The following NR3C2 variants were observed in gnomAD, a reference collection of about 807,000 sequenced individuals.
NR3C2 encodes mineralocorticoid receptor.
In NR3C2, 15 loss-of-function variants were observed where a neutral mutation model predicts 86.4. That is an observed-to-expected ratio of 0.17 (90% CI 0.12 to 0.27). NR3C2 has a LOEUF of 0.27. Among genes scored for constraint, NR3C2 ranks in the 10% least tolerant of loss-of-function variants. The pLI, the probability that NR3C2 is intolerant of heterozygous loss-of-function variation, is 1.00. For missense variants in NR3C2, 960 were observed against 1,195.6 expected (o/e 0.80, Z 2.91); for synonymous variants, 458 against 450.5 (o/e 1.02, Z -0.21).
chr4:148,295,683 T>C (rs989715290), intron 2 of NR3C2, among the ~76,000 whole-genome samples: 2 of 151,504 alleles, frequency 1.3e-5, no homozygotes, highest in African/African-American at 4.9e-5. Context: ...TTACTGTAAC[T>C]TTGTCTAACA....
Position 148,436,082 on chromosome 4 carries a change from G to A in NR3C2, c.779C>T (p.Pro260Leu), listed in dbSNP as rs1750049731. The A allele has an allele frequency of 2.5e-6, 4 of 1,614,156 alleles. No homozygotes were observed. Among genetic ancestry groups the A allele is most frequent in the Non-Finnish European group, 3.4e-6 (4 of 1,180,030 alleles). Reference sequence around the variant, plus strand: ...CATGCTACTTAACGGACTTGAGAGAGGAGAGCCCACATTGCTAGCATGTGC... The same window carrying A: ...CATGCTACTTAACGGACTTGAGAGAAGAGAGCCCACATTGCTAGCATGTGC... ...SPAHASNVGS[P>L]LSSPLSSMKS... is the part of the protein sequence containing the mutation. The change falls in exon 2 of 9, where the codon CCT (proline) becomes CTT (leucine). Residue 260 changes from proline (P) to leucine (L), a missense_variant. Pro to Leu is a moderately conservative substitution (Grantham distance 98). This residue lies in a region of NR3C2 where 680 missense variants were observed against 719.0 expected (regional missense o/e 0.95). Transcript: ENST00000358102.
At chr4:148,317,315 A>G (rs1454166240) in intron 2 of NR3C2, among the ~76,000 whole-genome samples, 1 of 151,418 alleles carries the variant, frequency 6.6e-6, no homozygotes, top group Non-Finnish European at 1.5e-5. Context: ...AGATCGCACC[A>G]TTGCACTTGA....
At chr4:148,303,304 G>C (rs1264292619) in intron 2 of NR3C2, among the ~76,000 whole-genome samples, 1 of 152,154 alleles carries the variant, frequency 6.6e-6, no homozygotes, top group African/African-American at 2.4e-5. Flanking sequence ...AGCTGAGAAG[G>C]AACAAGAGGG....
intron 4 of NR3C2, among the ~76,000 whole-genome samples, chr4:148,157,573 G>A (rs1291613566): frequency 6.6e-6 from 1 of 151,978 alleles, no homozygotes; most frequent in Admixed American, 6.6e-5. Context: ...AAGGTTGGGA[G>A]GTAGATGGGT....
rs111794588 is a variant in NR3C2, at chr4:148,093,625, C to T, written c.2800-12126G>A. 4.4e-3 allele frequency among the ~76,000 whole-genome samples: 666 copies of T among 152,270 alleles called. 3 individuals are homozygous for T. The highest frequency in any genetic ancestry group is 0.016 in the African/African-American group (646 of 41,548). ...TATGTTGGGGTTAGGGCAAAAGATA[C>T]ATCAACTCAACTATAAATACTCCAA... On this transcript the variant is annotated intron_variant, in intron 8 of 8. Transcript: ENST00000358102.
intron 2 of NR3C2, among the ~76,000 whole-genome samples, chr4:148,288,128 C>T (rs535264704): frequency 2.3e-4 from 35 of 152,270 alleles, no homozygotes; most frequent in African/African-American, 6.5e-4. Context: ...ATTGATACCA[C>T]GGTATAAGTG....
intron 3 of NR3C2, among the ~76,000 whole-genome samples, chr4:148,230,062 T>G (rs1230244990): frequency 6.6e-6 from 1 of 152,200 alleles, no homozygotes; most frequent in African/African-American, 2.4e-5. Flanking sequence ...CCTTCTTTAA[T>G]TGGGACAATT....
intron 2 of NR3C2, among the ~76,000 whole-genome samples, chr4:148,391,443 T>C (rs546331741): frequency 2.0e-5 from 3 of 152,340 alleles, no homozygotes; most frequent in South Asian, 2.1e-4. Flanking sequence ...CATCCATCCA[T>C]TGAATAGTTG....
At chr4:148,083,016 T>C (rs1208276421) in intron 8 of NR3C2, among the ~76,000 whole-genome samples, 1 of 152,082 alleles carries the variant, frequency 6.6e-6, no homozygotes, top group Non-Finnish European at 1.5e-5. Flanking sequence ...GTAGCCAGAC[T>C]GCCTCACTAG....
rs767104456 is a variant in NR3C2 at position 148,080,903 on chromosome 4, A to G, written c.*441T>C. On this transcript the variant is annotated 3_prime_UTR_variant, in exon 9 of 9. Transcript: ENST00000358102. ...TTTTTTGTGTTTTTTTAATAACAAA[A>G]GAATATTAATGCCCCATATTGACTA... 8.7e-5 allele frequency: 31 copies of G among 355,412 alleles called. No homozygotes were observed. Among genetic ancestry groups the G allele is most frequent in the South Asian group, 6.3e-4 (30 of 47,344 alleles). The allele number at this position is 355,412 out of a possible 1,614,324, so 22.0% of individuals were successfully genotyped here. A position where few individuals can be genotyped will look rare whatever the true frequency, so the allele number is the denominator to read the frequency against.
intron 2 of NR3C2, among the ~76,000 whole-genome samples, chr4:148,311,393 C>A (rs1742891858): frequency 6.6e-6 from 1 of 152,206 alleles, no homozygotes; most frequent in Non-Finnish European, 1.5e-5. Flanking sequence ...GGGTTAATGA[C>A]AACTGCATTC....
intron 4 of NR3C2, among the ~76,000 whole-genome samples, chr4:148,188,630 T>C (rs2149797347): frequency 6.6e-6 from 1 of 152,260 alleles, no homozygotes; most frequent in East Asian, 1.9e-4. Flanking sequence ...AGGAGGTTTC[T>C]AGGGGGGTCC....
intron 3 of NR3C2, among the ~76,000 whole-genome samples, chr4:148,198,586 C>A (rs1736550845): frequency 6.6e-6 from 1 of 152,046 alleles, no homozygotes; most frequent in Non-Finnish European, 1.5e-5. Context: ...ATGTTTCTAG[C>A]ATTGGTATCT....
At chr4:148,192,934 T>C (rs1460048917) in intron 4 of NR3C2, among the ~76,000 whole-genome samples, 2 of 152,144 alleles carry the variant, frequency 1.3e-5, no homozygotes, top group Admixed American at 1.3e-4. Context: ...GGGCTTTAGT[T>C]CTTCCCCTGC....
chr4:148,089,125 A>C (rs1403926103), intron 8 of NR3C2, among the ~76,000 whole-genome samples: 1 of 152,232 alleles, frequency 6.6e-6, no homozygotes, highest in South Asian at 2.1e-4. Flanking sequence ...CAGATAGTAA[A>C]TAACTGTTTG....
At chr4:148,383,060 T>C (rs1370991726) in intron 2 of NR3C2, among the ~76,000 whole-genome samples, 5 of 152,150 alleles carry the variant, frequency 3.3e-5, no homozygotes, top group Non-Finnish European at 7.4e-5. Flanking sequence ...ATAAATTAGA[T>C]AAAAACACTC....
rs576323888 is a variant in NR3C2 at position 148,321,794 on chromosome 4, C to G, written c.1758-61677G>C. 3.9e-5 allele frequency among the ~76,000 whole-genome samples: 6 copies of G among 152,276 alleles called. No homozygotes were observed. The South Asian group carries it at 6.2e-4, about 16-fold the overall frequency. On this transcript the variant is annotated intron_variant, in intron 2 of 8. Transcript: ENST00000358102. ...TGTCTCTGCACATGAGATGGGTTTC[C>G]TGAATACAGCACACTGTTGGGTCTT...
intron 2 of NR3C2, among the ~76,000 whole-genome samples, chr4:148,434,747 G>A (rs1388822783): frequency 2.0e-5 from 3 of 151,932 alleles, no homozygotes; most frequent in Admixed American, 1.3e-4. Flanking sequence ...TTAGTAAACC[G>A]GCAAACAGCT....
intron 4 of NR3C2, among the ~76,000 whole-genome samples, chr4:148,187,943 G>A (rs1736011865): frequency 1.3e-5 from 2 of 152,124 alleles, no homozygotes; most frequent in African/African-American, 4.8e-5. Flanking sequence ...CGTGTGGCCA[G>A]GCAATTATCC....
Sources: gnomAD v4.1 joint callset for allele counts (sites outside exome capture counted in the v4.1 genomes callset) on GRCh38, gnomAD v4.1.1 for gene constraint, gnomAD v4.1.1 regional missense constraint, MANE v1.5 for transcripts, NCBI Gene and HGNC (gene_info 2026-07-23, HGNC 2026-07-21) for gene names.